LTBP1: variants seen among roughly 807,000 people sequenced by gnomAD.
The protein encoded by LTBP1 is latent transforming growth factor beta binding protein 1.
Under a neutral mutation model 207.6 loss-of-function variants are expected in LTBP1, and 129 were observed. The ratio of observed to expected loss-of-function variants is 0.62; its 90% CI spans 0.54 to 0.72. The LOEUF (loss-of-function observed/expected upper bound fraction) is 0.72. Among genes scored for constraint, LTBP1 ranks in the 30% least tolerant of loss-of-function variants. The pLI is 0.00. For missense variants in LTBP1, 2,281 were observed against 2,217.2 expected, an observed-to-expected ratio of 1.03 and a Z score of -0.58; for synonymous variants, 963 against 833.7, an observed-to-expected ratio of 1.16 and a Z score of -2.67.
At chr2:33,148,829 G>A (rs192958747) in intron 5 of LTBP1, among the ~76,000 whole-genome samples, 8 of 152,276 alleles carry the variant, frequency 5.3e-5, no homozygotes, top group African/African-American at 1.7e-4. Flanking sequence ...TGGCAATGCC[G>A]GCAAACATTT....
chr2:33,372,154 G>C (rs1042770749), intron 31 of LTBP1, among the ~76,000 whole-genome samples: 1 of 152,178 alleles, frequency 6.6e-6, no homozygotes, highest in African/African-American at 2.4e-5. Flanking sequence ...TAAGATGCCT[G>C]TCAGTGGTCA....
At chr2:33,263,814 G>T (rs540003747) in intron 15 of LTBP1, among the ~76,000 whole-genome samples, 3 of 151,922 alleles carry the variant, frequency 2.0e-5, no homozygotes, top group African/African-American at 7.2e-5. Flanking sequence ...TTAGCCAGGT[G>T]TGGTGGTGCG....
intron 3 of LTBP1, among the ~76,000 whole-genome samples, chr2:33,064,181 C>T (rs1428312007): frequency 1.3e-5 from 2 of 152,156 alleles, no homozygotes; most frequent in East Asian, 3.9e-4. Context: ...TTTACACTTA[C>T]ATAAATGTAA....
chr2:33,082,148 G>T (rs79430115), intron 3 of LTBP1, among the ~76,000 whole-genome samples: 14,766 of 152,140 alleles, frequency 0.097, 951 homozygotes, highest in Non-Finnish European at 0.14. Context: ...ACTATTGCAG[G>T]AGTGGGTTCC....
intron 2 of LTBP1, among the ~76,000 whole-genome samples, chr2:32,968,764 C>T (rs1271347433): frequency 6.7e-6 from 1 of 150,054 alleles, no homozygotes; most frequent in Non-Finnish European, 1.5e-5. Flanking sequence ...TGCTCTGTTG[C>T]CCAGGCTGGT....
At chr2:33,055,588 T>C (rs925264640) in intron 3 of LTBP1, among the ~76,000 whole-genome samples, 3 of 152,184 alleles carry the variant, frequency 2.0e-5, no homozygotes, top group Non-Finnish European at 2.9e-5. Flanking sequence ...GTCTCCAAAC[T>C]CTTGGGCTGC....
At position 33,134,450 on chromosome 2, in the gene LTBP1, C is replaced by G. The variant is rs755287342; in HGVS notation, c.1034-343C>G. On this transcript the variant is annotated intron_variant, in intron 4 of 33. Coordinates refer to ENST00000404816, the MANE Select transcript of LTBP1 (RefSeq NM_206943.4). The surrounding 1 kb of genome is among the most constrained non-coding windows in gnomAD (Gnocchi z 4.4). ...TGCCTGTCAGGGTTGGCTCTTTAAT[C>G]TGTCGTGCCCTCGGTATTGCTCTTT... 2 of 867,262 alleles carry G rather than the reference C, an allele frequency of 2.3e-6. No individual in the cohort carries two copies. The highest frequency in any genetic ancestry group is 2.8e-5 in the South Asian group (2 of 71,598). 53.7% of individuals were successfully genotyped at this position (867,262 alleles called of 1,614,324 possible). A position where few individuals can be genotyped will look rare whatever the true frequency, so the allele number is the denominator to read the frequency against.
At chr2:33,327,162 A>C (rs1021985888) in intron 24 of LTBP1, among the ~76,000 whole-genome samples, 1 of 152,218 alleles carries the variant, frequency 6.6e-6, no homozygotes, top group Non-Finnish European at 1.5e-5. Flanking sequence ...GGGTGAGTCC[A>C]GTGAGGACCC....
intron 31 of LTBP1, among the ~76,000 whole-genome samples, chr2:33,366,500 G>C (rs1341098738): frequency 6.6e-6 from 1 of 152,192 alleles, no homozygotes; most frequent in African/African-American, 2.4e-5. Flanking sequence ...GGGAATTCCC[G>C]TAAGAAGAAA....
chr2:32,976,513 G>C (rs1286108718), intron 2 of LTBP1, among the ~76,000 whole-genome samples: 2 of 152,220 alleles, frequency 1.3e-5, no homozygotes, highest in Non-Finnish European at 2.9e-5. Flanking sequence ...AAGAATGTTA[G>C]CCAGCAGATA....
chr2:33,289,635 G>A (rs1327236686), intron 19 of LTBP1, among the ~76,000 whole-genome samples: 1 of 152,116 alleles, frequency 6.6e-6, no homozygotes, highest in Non-Finnish European at 1.5e-5. Context: ...TGAGTTTCTA[G>A]GATTATAGAC....
At chr2:33,228,226 T>C (rs1317974023) in intron 9 of LTBP1, among the ~76,000 whole-genome samples, 1 of 152,210 alleles carries the variant, frequency 6.6e-6, no homozygotes, top group East Asian at 1.9e-4. Flanking sequence ...CATAAACTTA[T>C]AAAGAGGGAA....
chr2:32,972,554 T>A (rs1001946913), intron 2 of LTBP1, among the ~76,000 whole-genome samples: 1 of 152,186 alleles, frequency 6.6e-6, no homozygotes, highest in Non-Finnish European at 1.5e-5. Flanking sequence ...GAGCAGGTTA[T>A]TTAATTTTTA....
chr2:33,310,425 C>T (rs989256136), intron 23 of LTBP1, among the ~76,000 whole-genome samples: 12 of 152,196 alleles, frequency 7.9e-5, no homozygotes, highest in Non-Finnish European at 5.9e-5. Flanking sequence ...ACAATCACAG[C>T]AGCTGTAACT....
chr2:33,252,577 G>T, intron 10 of LTBP1, 100 bp from the exon 11 acceptor site: 1 of 1,069,668 alleles, frequency 9.3e-7, no homozygotes, highest in South Asian at 1.9e-5. Context: ...CCTGAAGTGT[G>T]GTTTTTAATT....
intron 3 of LTBP1, among the ~76,000 whole-genome samples, chr2:33,050,154 CT>C (rs11318614): frequency 0.76 from 95,812 of 126,260 alleles, 37,479 homozygotes; most frequent in East Asian, 0.98. Context: ...CTTTTCTTTT[CT>C]TTTTTTTTTT....
At chr2:33,361,897 T>C (rs1311271377) in intron 28 of LTBP1, among the ~76,000 whole-genome samples, 1 of 152,222 alleles carries the variant, frequency 6.6e-6, no homozygotes, top group African/African-American at 2.4e-5. Context: ...ATCATATAAA[T>C]TTGACCACTG....
intron 3 of LTBP1, among the ~76,000 whole-genome samples, chr2:33,022,186 T>A (rs1374861861): frequency 6.6e-6 from 1 of 152,134 alleles, no homozygotes; most frequent in Admixed American, 6.5e-5. Flanking sequence ...TCCTTATTTT[T>A]ACTTCCCCTT....
At chr2:33,063,816 G>A (rs2077375266) in intron 3 of LTBP1, among the ~76,000 whole-genome samples, 1 of 151,416 alleles carries the variant, frequency 6.6e-6, no homozygotes, top group Non-Finnish European at 1.5e-5. Flanking sequence ...GATTTCTGAA[G>A]ATGTTTTGTT....
Sources: gnomAD v4.1 joint callset for allele counts (sites outside exome capture counted in the v4.1 genomes callset) on GRCh38, gnomAD v4.1.1 for gene constraint, Gnocchi (gnomAD v3.1) non-coding constraint, MANE v1.5 for transcripts, NCBI Gene and HGNC (gene_info 2026-07-23, HGNC 2026-07-21) for gene names.